NLGN4X: variants seen among roughly 807,000 people sequenced by gnomAD.
NLGN4X encodes neuroligin 4 X-linked.
NLGN4X carries 3 observed loss-of-function variants against 40.3 expected under a neutral mutation model. The observed-to-expected ratio is 0.07, with a 90% CI of 0.03 to 0.19. The LOEUF is 0.19. NLGN4X is among the 10% of genes least tolerant of loss of function. The pLI, the probability that NLGN4X is intolerant of heterozygous loss-of-function variation, is 1.00. For synonymous variants in NLGN4X, 270 were observed against 306.8 expected, an observed-to-expected ratio of 0.88 and a Z score of 1.25; for missense variants, 382 against 708.3, an observed-to-expected ratio of 0.54 and a Z score of 5.23.
At chrX:5,930,242 T>C (rs2033498957) in intron 3 of NLGN4X, among the ~76,000 whole-genome samples, 1 of 112,620 alleles carries the variant, frequency 8.9e-6, no homozygotes, top group Non-Finnish European at 1.9e-5. Flanking sequence ...GACAGATACA[T>C]ATTTTATGAA....
chrX:5,983,910 G>A (rs912114327), intron 3 of NLGN4X, among the ~76,000 whole-genome samples: 2 of 111,404 alleles, frequency 1.8e-5, no homozygotes, highest in African/African-American at 6.5e-5. Context: ...TGTGCCACTG[G>A]GCACAGAGCA....
intron 3 of NLGN4X, among the ~76,000 whole-genome samples, chrX:5,989,973 T>A (rs747887721): frequency 1.8e-5 from 2 of 110,878 alleles, no homozygotes; most frequent in African/African-American, 6.6e-5. Context: ...TGTCTCTTTC[T>A]CTCTCTCAAA....
At chrX:5,969,820 T>TG (rs1394941594) in intron 3 of NLGN4X, among the ~76,000 whole-genome samples, 38 of 110,601 alleles carry the variant, frequency 3.4e-4, no homozygotes, top group African/African-American at 1.2e-3. Flanking sequence ...GTGGCACATA[T>TG]ACACCATGGA....
Position 6,000,384 on chromosome X carries a change from T to C in NLGN4X, c.625+28896A>G, listed in dbSNP as rs777344388. ...AGTCTATGTTGAGACTCCAGTATTA[T>C]CTCCAACCCTCTGCAGGATTTGAGG... is the stretch of plus-strand genomic sequence containing the variant. On this transcript the variant is annotated intron_variant, in intron 3 of 5. Coordinates refer to ENST00000381095, the MANE Select transcript of NLGN4X (RefSeq NM_181332.3). Among the ~76,000 whole-genome samples the C allele has an allele frequency of 1.3e-3, 147 of 111,948 alleles. 2 individuals carry two copies. The highest frequency in any genetic ancestry group is 4.7e-3 in the African/African-American group (144 of 30,811).
chrX:6,020,457 G>A (rs1313877910), intron 3 of NLGN4X, among the ~76,000 whole-genome samples: 3 of 112,107 alleles, frequency 2.7e-5, no homozygotes, highest in Non-Finnish European at 5.6e-5. Context: ...GAAGCTGGAG[G>A]TGGAGAGGAA....
chrX:6,183,865 C>T (rs1320651417), intron 1 of NLGN4X, among the ~76,000 whole-genome samples: 1 of 111,853 alleles, frequency 8.9e-6, no homozygotes, highest in Non-Finnish European at 1.9e-5. Flanking sequence ...TTAAAAACAC[C>T]TGAAAACACT....
chrX:6,085,259 A>G (rs946242046), intron 2 of NLGN4X, among the ~76,000 whole-genome samples: 1 of 111,411 alleles, frequency 9.0e-6, no homozygotes. Flanking sequence ...AGTGATAGCC[A>G]GAAGAAGAGG....
intron 2 of NLGN4X, among the ~76,000 whole-genome samples, chrX:6,037,544 A>G (rs1016353838): frequency 9.0e-6 from 1 of 111,310 alleles, no homozygotes; most frequent in Non-Finnish European, 1.9e-5. Context: ...AAGCAAGAAT[A>G]TAAGGAAATA....
chrX:5,975,183 A>G (rs1217901821), intron 3 of NLGN4X, among the ~76,000 whole-genome samples: 1 of 112,329 alleles, frequency 8.9e-6, no homozygotes, highest in Non-Finnish European at 1.9e-5. Flanking sequence ...GAAACTGCAG[A>G]AAGTATAACT....
At chrX:6,135,260 T>C (rs777734244) in intron 2 of NLGN4X, among the ~76,000 whole-genome samples, 10 of 111,889 alleles carry the variant, frequency 8.9e-5, no homozygotes, top group Non-Finnish European at 1.7e-4. Flanking sequence ...TCCTCATCTG[T>C]TCCTGTCACT....
At chrX:5,897,664 G>A (rs1180918040) in intron 5 of NLGN4X, among the ~76,000 whole-genome samples, 4 of 111,615 alleles carry the variant, frequency 3.6e-5, no homozygotes, top group Non-Finnish European at 7.5e-5. Context: ...AAAAGAAATA[G>A]CAAGGATTAC....
chrX:6,106,020 A>C (rs920942980), intron 2 of NLGN4X, among the ~76,000 whole-genome samples: 14 of 111,348 alleles, frequency 1.3e-4, no homozygotes, highest in African/African-American at 4.2e-4. Context: ...GAGGAAGGGG[A>C]CTCAGAACTT....
chrX:6,014,568 G>A (rs1301809101), intron 3 of NLGN4X, among the ~76,000 whole-genome samples: 2 of 111,828 alleles, frequency 1.8e-5, no homozygotes, highest in African/African-American at 3.3e-5. Flanking sequence ...GAGAGTCATC[G>A]AGAACTCTAA....
At chrX:6,090,896 G>A (rs1037623399) in intron 2 of NLGN4X, among the ~76,000 whole-genome samples, 2 of 111,703 alleles carry the variant, frequency 1.8e-5, no homozygotes, top group East Asian at 2.8e-4. Context: ...CAACAAAGAC[G>A]GGGTGATCAG....
chrX:5,939,998 C>T (rs748315518), intron 3 of NLGN4X, among the ~76,000 whole-genome samples: 4 of 111,233 alleles, frequency 3.6e-5, no homozygotes, highest in East Asian at 2.8e-4. Context: ...TGGGCAAGAA[C>T]GTGTGGAAAA....
chrX:6,000,534 C>A lies in NLGN4X; in HGVS notation c.625+28746G>T, dbSNP rs184598049. On this transcript the variant is annotated intron_variant, in intron 3 of 5. Transcript: ENST00000381095. Reference sequence around the variant, plus strand: ...ATGCTGGGAGTTGGTCTGTGCCTTGCAGCTAGGTTGTGCCATCGTCCTGTT... The same window carrying A: ...ATGCTGGGAGTTGGTCTGTGCCTTGAAGCTAGGTTGTGCCATCGTCCTGTT... Among the ~76,000 whole-genome samples, 11 of 111,031 alleles carry A rather than the reference C, an allele frequency of 9.9e-5. No individual in the cohort carries two copies. In the East Asian group the frequency reaches 3.1e-3, roughly 32 times the overall value.
At position 6,228,763 on chromosome X, in the gene NLGN4X, G is replaced by C. The variant is rs1411819537; in HGVS notation, c.-528C>G. The C allele has an allele frequency of 1.8e-5, 2 of 111,833 alleles. No individual in the cohort carries two copies. The highest frequency in any genetic ancestry group is 3.8e-5 in the Non-Finnish European group (2 of 53,256). 9.2% of individuals were successfully genotyped at this position (111,833 alleles called of 1,213,427 possible). A position where few individuals can be genotyped will look rare whatever the true frequency, so the allele number is the denominator to read the frequency against. ...TCGTTGTTTCTGCCGCCAATAGTCT[G>C]TGGACGGGCAGAACAAGCATTACAA... On this transcript the variant is annotated 5_prime_UTR_variant, in exon 1 of 6. Coordinates refer to ENST00000381095, the MANE Select transcript of NLGN4X (RefSeq NM_181332.3).
At chrX:5,997,011 C>T (rs1056790496) in intron 3 of NLGN4X, among the ~76,000 whole-genome samples, 6 of 110,487 alleles carry the variant, frequency 5.4e-5, no homozygotes, top group African/African-American at 9.9e-5. Context: ...AACAAAAGCA[C>T]GAAAGAAAAA....
chrX:6,167,327 T>C (rs2040520187), intron 1 of NLGN4X, among the ~76,000 whole-genome samples: 2 of 111,718 alleles, frequency 1.8e-5, no homozygotes, highest in African/African-American at 6.5e-5. Flanking sequence ...GCCACCTGCA[T>C]AGGGCAGGGA....
Sources: gnomAD v4.1 joint callset for allele counts (sites outside exome capture counted in the v4.1 genomes callset) on GRCh38, gnomAD v4.1.1 for gene constraint, MANE v1.5 for transcripts, NCBI Gene and HGNC (gene_info 2026-07-23, HGNC 2026-07-21) for gene names.